The following KIF1C variants were observed in gnomAD, a reference collection of about 807,000 sequenced individuals.
KIF1C encodes the protein kinesin family member 1C.
A neutral mutation model predicts 126.5 loss-of-function variants in KIF1C; 61 were observed. The observed-to-expected ratio is 0.48, with a 90% CI of 0.39 to 0.60. KIF1C has a LOEUF of 0.60. Among genes scored for constraint, KIF1C ranks in the 20% least tolerant of loss-of-function variants. KIF1C has a pLI of 0.00. For synonymous variants in KIF1C, 640 were observed against 580.6 expected (o/e 1.10, Z -1.47); for missense variants, 1,315 against 1,489.2 (o/e 0.88, Z 1.93).
Position 5,022,375 on chromosome 17 carries a change from G to A in KIF1C, c.2294G>A (p.Arg765His), listed in dbSNP as rs1487403605. Reference sequence around the variant, plus strand: ...TACGAGGTGGCCCTGGCTGACTTCCGCCACGGGCGGGCTGAGATTGAGGCC... The same window carrying A: ...TACGAGGTGGCCCTGGCTGACTTCCACCACGGGCGGGCTGAGATTGAGGCC... ...ICYEVALADF[R>H]HGRAEIEALA... Residue 765 changes from arginine (R) to histidine (H), a missense_variant, in exon 22 of 23, where the codon CGC (arginine) becomes CAC (histidine). Transcript: ENST00000320785. The surrounding 1 kb of genome is among the most constrained non-coding windows in gnomAD (Gnocchi z 4.9). 20 of 1,581,620 alleles carry A rather than the reference G, an allele frequency of 1.3e-5. No homozygotes were observed. Among genetic ancestry groups the A allele is most frequent in the East Asian group, 2.3e-5 (1 of 43,194 alleles).
chr17:5,003,036 G>T (rs377064592), intron 8 of KIF1C, among the ~76,000 whole-genome samples, 194 bp downstream of exon 8: 1 of 148,134 alleles, frequency 6.8e-6, no homozygotes, highest in African/African-American at 2.5e-5. Flanking sequence ...CTGTTTGCTT[G>T]TCTTTTTTTT....
intron 16 of KIF1C, among the ~76,000 whole-genome samples, chr17:5,010,869 G>A (rs1974849630): frequency 6.6e-6 from 1 of 150,924 alleles, no homozygotes; most frequent in Non-Finnish European, 1.5e-5. Context: ...GGAGTGCAGT[G>A]GTGCAATCTC....
chr17:5,002,584 T>C lies in KIF1C; in HGVS notation c.550T>C (p.Leu184=). 3 of 1,614,000 alleles carry C rather than the reference T, an allele frequency of 1.9e-6. No homozygotes were observed. Among genetic ancestry groups the C allele is most frequent in the Non-Finnish European group, 2.5e-6 (3 of 1,179,914 alleles). Residue 184 remains leucine, a synonymous_variant, in exon 7 of 23, where the codon TTG becomes CTG. Coordinates refer to ENST00000320785, the MANE Select transcript of KIF1C (RefSeq NM_006612.6). ...LGPYVQDLSK[L]AVTSYADIAD... is the part of the protein sequence containing the mutation. Reference sequence around the variant, plus strand: ...CCCGTACGTGCAGGACCTGTCCAAATTGGCTGTGACCTCCTACGCAGACAT... The same window carrying C: ...CCCGTACGTGCAGGACCTGTCCAAACTGGCTGTGACCTCCTACGCAGACAT...
At chr17:5,021,999 C>T (rs566481135) in intron 21 of KIF1C, 93 bp from the exon 22 acceptor site, 109 of 1,390,318 alleles carry the variant, frequency 7.8e-5, no homozygotes, top group East Asian at 4.4e-4. Context: ...CCCTGATGGG[C>T]GTGTTTCCAG....
intron 16 of KIF1C, among the ~76,000 whole-genome samples, chr17:5,009,426 C>T (rs1201407194): frequency 6.6e-6 from 1 of 152,020 alleles, no homozygotes; most frequent in Non-Finnish European, 1.5e-5. Flanking sequence ...GATCCACCCA[C>T]TTCGGAGTCC....
rs747110877 is a variant in KIF1C at position 5,001,309 on chromosome 17, G to A, written c.271G>A (p.Val91Met). ...GCTCCACGCCTTTGAAGGCTACAACGTGTGCATCTTTGCCTATGGGCAGAC... is the reference window on the plus strand; with the variant it reads ...GCTCCACGCCTTTGAAGGCTACAACATGTGCATCTTTGCCTATGGGCAGAC... ...MLLHAFEGYN[V>M]CIFAYGQTGA... The change falls in exon 5 of 23, where the codon GTG (valine) becomes ATG (methionine). Residue 91 changes from valine (V) to methionine (M), a missense_variant. Val to Met is a conservative substitution (Grantham distance 21). Transcript: ENST00000320785. 25 of 1,614,040 alleles carry A rather than the reference G, an allele frequency of 1.5e-5. No homozygotes were observed. The highest frequency in any genetic ancestry group is 1.5e-4 in the Admixed American group (9 of 60,000).
rs764173844 is a variant in KIF1C at position 5,024,018 on chromosome 17, CTT to C, written c.3180_3181del (p.Tyr1061SerfsTer34). The C allele has an allele frequency of 2.5e-6, 4 of 1,601,210 alleles. No individual in the cohort carries two copies. Among genetic ancestry groups the C allele is most frequent in the Non-Finnish European group, 3.4e-6 (4 of 1,173,308 alleles). On this transcript the variant is annotated frameshift_variant, in exon 23 of 23. Coordinates refer to ENST00000320785, the MANE Select transcript of KIF1C (RefSeq NM_006612.6). LOFTEE classifies it high-confidence loss of function. ...CACTTCCAGCCCAAAAAGCACAACT[CTT>C]ATCCCCAGCCACCCCAACCCTACCC...
chr17:5,002,540 G>A lies in KIF1C; in HGVS notation c.506G>A (p.Arg169Gln), dbSNP rs1188956517. Residue 169 changes from arginine (R) to glutamine (Q), a missense_variant, in exon 7 of 23, where the codon CGG becomes CAG. This residue lies in a region of KIF1C where 874 missense variants were observed against 1,053.2 expected (regional missense o/e 0.83). Coordinates refer to ENST00000320785, the MANE Select transcript of KIF1C (RefSeq NM_006612.6). Reference sequence around the variant, plus strand: ...AAGAGTCGGGGTTCTCTGCGGGTCCGGGAGCACCCCATCCTGGGCCCGTAC... The same window carrying A: ...AAGAGTCGGGGTTCTCTGCGGGTCCAGGAGCACCCCATCCTGGGCCCGTAC... ...NPKSRGSLRV[R>Q]EHPILGPYVQ... 1 of 1,613,962 alleles carries A rather than the reference G, an allele frequency of 6.2e-7. No homozygotes were observed. The highest frequency in any genetic ancestry group is 8.5e-7 in the Non-Finnish European group (1 of 1,179,876).
intron 18 of KIF1C, chr17:5,019,605 C>T (rs1485074360): frequency 1.8e-5 from 4 of 226,668 alleles, no homozygotes; most frequent in Non-Finnish European, 2.9e-5. Context: ...TGGAGGAGCC[C>T]AGGCCCCACC....
Position 5,024,207 on chromosome 17 carries a change from CG to C in KIF1C, c.*57del. On this transcript the variant is annotated 3_prime_UTR_variant, in exon 23 of 23. Transcript: ENST00000320785. ...GGCCCCTTGCTAGGAGAAGGGAAGA[CG>C]CCCGAGACGCTGCTTCCCCAGAAGT... is the stretch of plus-strand genomic sequence containing the variant. 8.0e-7 allele frequency: 1 copy of C among 1,247,782 alleles called. No individual in the cohort carries two copies. The highest frequency in any genetic ancestry group is 1.4e-5 in the South Asian group (1 of 72,680). 77.3% of individuals were successfully genotyped at this position (1,247,782 alleles called of 1,614,324 possible). A position where few individuals can be genotyped will look rare whatever the true frequency, so the allele number is the denominator to read the frequency against.
Position 5,003,632 on chromosome 17 carries a change from G to A in KIF1C, c.741G>A (p.Val247=). 1.2e-6 allele frequency: 2 copies of A among 1,613,562 alleles called. No homozygotes were observed. The highest frequency in any genetic ancestry group is 1.7e-6 in the Non-Finnish European group (2 of 1,179,750). The change falls in exon 9 of 23, where the codon GTG becomes GTA. Residue 247 remains valine (V), a synonymous_variant. Transcript: ENST00000320785. Reference sequence around the variant, plus strand: ...CCCAGGTCAGTAAGATCAGTTTGGTGGACCTTGCTGGGAGTGAGCGAGCCG... The same window carrying A: ...CCCAGGTCAGTAAGATCAGTTTGGTAGACCTTGCTGGGAGTGAGCGAGCCG... ...DSEKVSKISL[V]DLAGSERADS... is the part of the protein sequence containing the mutation.
At position 5,005,730 on chromosome 17, in the gene KIF1C, C is replaced by CTTT. The variant is rs72032376; in HGVS notation, c.1165+743_1165+745dup. On this transcript the variant is annotated intron_variant, in intron 13 of 22. Coordinates refer to ENST00000320785, the MANE Select transcript of KIF1C (RefSeq NM_006612.6). The stretch of plus-strand genomic sequence containing the variant: ...TTTCAGCTCAGCACAGCTAAGAATT[C>CTTT]TTTTTTTTTTTTTTTGAGATGGAGT... Among the ~76,000 whole-genome samples, 7 of 142,556 alleles carry CTTT rather than the reference C, an allele frequency of 4.9e-5. No homozygotes were observed. The East Asian group carries it at 1.3e-3, about 26-fold the overall frequency. The allele number at this position is 142,556 out of a possible 152,430, so 93.5% of individuals were successfully genotyped here.
Position 5,022,593 on chromosome 17 carries a change from G to C in KIF1C, c.2512G>C (p.Asp838His), listed in dbSNP as rs139084469. 2 of 1,603,322 alleles carry C rather than the reference G, an allele frequency of 1.2e-6. No individual in the cohort carries two copies. Among genetic ancestry groups the C allele is most frequent in the Non-Finnish European group, 1.7e-6 (2 of 1,174,810 alleles). ...GGTGGAGGACCTCCGGGCCCACATC[G>C]ACAAGCTGACGGGGATTCTGCAGGA... The part of the protein sequence containing the change: ...AEVEDLRAHI[D>H]KLTGILQEVK... Residue 838 changes from aspartate to histidine, a missense_variant, in exon 22 of 23, where the codon GAC (aspartate) becomes CAC (histidine). Around this residue, in one of 2 missense-constraint regions of KIF1C, gnomAD observed 441 missense variants for 436.1 expected, o/e 1.01. Transcript: ENST00000320785. The surrounding 1 kb of genome is among the most constrained non-coding windows in gnomAD (Gnocchi z 4.9).
rs1196229000 is a variant in KIF1C, at chr17:5,022,331, G to A, written c.2250G>A (p.Gln750=). Residue 750 remains glutamine (Q), a synonymous_variant, in exon 22 of 23, where the codon CAG becomes CAA. Transcript: ENST00000320785. This position sits in a 1 kb window ranked among gnomAD's most constrained non-coding sequence, Gnocchi z 4.9. ...CCACCATGGCTGACCTGAAGATGCA[G>A]GCGGTGAAGGAGATCTGCTACGAGG... ...RWATMADLKM[Q]AVKEICYEVA... 1.9e-6 allele frequency: 3 copies of A among 1,603,928 alleles called. No individual in the cohort carries two copies. Among genetic ancestry groups the A allele is most frequent in the Non-Finnish European group, 1.7e-6 (2 of 1,175,014 alleles).
rs34780501 is a variant in KIF1C at position 5,020,945 on chromosome 17, A to G, written c.2010+67A>G. 2,299 of 1,389,108 alleles carry G rather than the reference A, an allele frequency of 1.7e-3. 1 individual carries two copies. The highest frequency in any genetic ancestry group is 2.1e-3 in the Non-Finnish European group (2,149 of 999,762). The allele number at this position is 1,389,108 out of a possible 1,614,324, so 86.0% of individuals were successfully genotyped here. A position where few individuals can be genotyped will look rare whatever the true frequency, so the allele number is the denominator to read the frequency against. On this transcript the variant is annotated intron_variant, in intron 21 of 22. Transcript: ENST00000320785. This position sits in a 1 kb window ranked among gnomAD's most constrained non-coding sequence, Gnocchi z 5.8. Reference sequence around the variant, plus strand: ...GAGCCGCAAGCCTGAGTCCGAGTGCAGTGCTCACCGCTGAGCCAGAGTGGG... The same window carrying G: ...GAGCCGCAAGCCTGAGTCCGAGTGCGGTGCTCACCGCTGAGCCAGAGTGGG...
At chr17:5,005,261 G>A (rs1384312294) in intron 13 of KIF1C, among the ~76,000 whole-genome samples, 1 of 152,224 alleles carries the variant, frequency 6.6e-6, no homozygotes, top group Non-Finnish European at 1.5e-5. Flanking sequence ...GACTGTTACA[G>A]GAAAAAATGG....
intron 1 of KIF1C, among the ~76,000 whole-genome samples, chr17:4,998,480 G>C (rs771507191): frequency 6.6e-6 from 1 of 152,142 alleles, no homozygotes; most frequent in Non-Finnish European, 1.5e-5. Context: ...GTACCCCACG[G>C]CTCCTTCACA....
At chr17:5,012,981 G>A (rs928352250) in intron 16 of KIF1C, among the ~76,000 whole-genome samples, 1 of 152,194 alleles carries the variant, frequency 6.6e-6, no homozygotes, top group Admixed American at 6.5e-5. Flanking sequence ...ACAGCCCCAG[G>A]CGGGTGCTGC....
chr17:5,011,499 A>G (rs1167412334), intron 16 of KIF1C: 1 of 152,198 alleles, frequency 6.6e-6, no homozygotes, highest in African/African-American at 2.4e-5. Context: ...ATTTTGAACA[A>G]AGAGTTATAG....
Sources: gnomAD v4.1 joint callset for allele counts (sites outside exome capture counted in the v4.1 genomes callset) on GRCh38, gnomAD v4.1.1 for gene constraint, gnomAD v4.1.1 regional missense constraint, Gnocchi (gnomAD v3.1) non-coding constraint, MANE v1.5 for transcripts, NCBI Gene and HGNC (gene_info 2026-07-23, HGNC 2026-07-21) for gene names.